The following ANKRD28 variants were observed in gnomAD, a reference collection of about 807,000 sequenced individuals.
ANKRD28 encodes ankyrin repeat domain 28, also known as serine/threonine-protein phosphatase 6 regulatory ankyrin repeat subunit A.
In ANKRD28, 44 loss-of-function variants were observed where a neutral mutation model predicts 126.5. The ratio of observed to expected loss-of-function variants is 0.35; its 90% CI spans 0.27 to 0.45. ANKRD28 has a LOEUF of 0.45. ANKRD28 is among the 20% of genes least tolerant of loss of function. The pLI is 1.00. For missense variants in ANKRD28, 1,110 were observed against 1,316.6 expected (o/e 0.84, Z 2.43); for synonymous variants, 442 against 468.5 (o/e 0.94, Z 0.73).
In ANKRD28 at chr3:15,830,127, C is replaced by A. The variant is rs536548349; in HGVS notation, c.27+29250G>T. Among the ~76,000 whole-genome samples, 1 of 152,180 alleles carries A rather than the reference C, an allele frequency of 6.6e-6. No individual in the cohort carries two copies. The highest frequency in any genetic ancestry group is 1.5e-5 in the Non-Finnish European group (1 of 68,026). ...TAACTGTAAGCAAGGCAGTGAAAAACACAGTCTGGTGCCACTAACTTGATT... is the reference window on the plus strand; with the variant it reads ...TAACTGTAAGCAAGGCAGTGAAAAAAACAGTCTGGTGCCACTAACTTGATT... On this transcript the variant is annotated intron_variant, in intron 1 of 27. Coordinates refer to the ANKRD28 transcript ENST00000399451. The surrounding 1 kb of genome is among the most constrained non-coding windows in gnomAD (Gnocchi z 4.5).
intron 4 of ANKRD28, among the ~76,000 whole-genome samples, chr3:15,738,347 G>T (rs1241043133): frequency 3.9e-5 from 6 of 152,146 alleles, no homozygotes; most frequent in Non-Finnish European, 8.8e-5. Flanking sequence ...AAAGGGGAGG[G>T]AGTGTACGAA....
At position 15,816,774 on chromosome 3, in the gene ANKRD28, T is replaced by A. The variant is rs2060840323; in HGVS notation, c.28-21468A>T. Reference sequence around the variant, plus strand: ...TAGAAGTTATTGCCAAAGTGTCTTATAATCCAAGACACTGAGAGATAGGAA... The same window carrying A: ...TAGAAGTTATTGCCAAAGTGTCTTAAAATCCAAGACACTGAGAGATAGGAA... On this transcript the variant is annotated intron_variant, in intron 1 of 27. Coordinates refer to the ANKRD28 transcript ENST00000399451. This position sits in a 1 kb window ranked among gnomAD's most constrained non-coding sequence, Gnocchi z 5.0. Among the ~76,000 whole-genome samples, 1 of 152,344 alleles carries A rather than the reference T, an allele frequency of 6.6e-6. No homozygotes were observed. The highest frequency in any genetic ancestry group is 2.1e-4 in the South Asian group (1 of 4,830).
rs777127923 is a variant in ANKRD28 at position 15,690,002 on chromosome 3, C to A, written c.1963+17G>T. On this transcript the variant is annotated intron_variant, in intron 18 of 27. Coordinates refer to ENST00000683139, the MANE Select transcript of ANKRD28 (RefSeq NM_001349278.2). ...GGATAGAAGTTATAAATAAATCAAG[C>A]ATAATATCTGGCATACCTGCTGCAT... is the stretch of plus-strand genomic sequence containing the variant. 1.3e-6 allele frequency: 2 copies of A among 1,579,990 alleles called. No homozygotes were observed. The highest frequency in any genetic ancestry group is 8.6e-7 in the Non-Finnish European group (1 of 1,159,580).
At chr3:15,837,435 C>CA (rs1023389186) in intron 1 of ANKRD28, among the ~76,000 whole-genome samples, 12 of 151,706 alleles carry the variant, frequency 7.9e-5, no homozygotes, top group African/African-American at 2.4e-4. Flanking sequence ...TGAACTGATA[C>CA]AAAAAAATGT....
chr3:15,751,860 T>C (rs2057880913), intron 3 of ANKRD28, 40 bp from the exon 4 acceptor site: 3 of 1,300,236 alleles, frequency 2.3e-6, no homozygotes, highest in Non-Finnish European at 3.2e-6. Flanking sequence ...ATATTGTACA[T>C]AAAATATTTT....
chr3:15,677,297 T>C (rs972761693), intron 25 of ANKRD28, among the ~76,000 whole-genome samples, 183 bp downstream of exon 25: 2 of 152,162 alleles, frequency 1.3e-5, no homozygotes, highest in African/African-American at 4.8e-5. Flanking sequence ...CCAAAACTTA[T>C]TTGGCTTACT....
chr3:15,778,568 A>G (rs1394084309), intron 2 of ANKRD28, among the ~76,000 whole-genome samples: 1 of 152,160 alleles, frequency 6.6e-6, no homozygotes, highest in East Asian at 1.9e-4. Context: ...GGCTCCCTCC[A>G]TCTTCAAAGC....
intron 8 of ANKRD28, 39 bp from the exon 9 acceptor site, chr3:15,714,695 C>A (rs773965026): frequency 7.6e-6 from 11 of 1,440,104 alleles, no homozygotes; most frequent in Non-Finnish European, 8.5e-6. Context: ...TCTACTATAT[C>A]CATAATGTGT....
At chr3:15,679,199 G>T in intron 23 of ANKRD28, 102 bp downstream of exon 23, 2 of 1,103,244 alleles carry the variant, frequency 1.8e-6, no homozygotes, top group Non-Finnish European at 2.7e-6. Flanking sequence ...TAAACTCCTG[G>T]CTTCAAGTCA....
At chr3:15,760,894 T>C (rs2058424065) in intron 3 of ANKRD28, among the ~76,000 whole-genome samples, 1 of 152,144 alleles carries the variant, frequency 6.6e-6, no homozygotes, top group African/African-American at 2.4e-5. Flanking sequence ...GTTTTCCACA[T>C]CACTTAAAGG....
intron 4 of ANKRD28, among the ~76,000 whole-genome samples, chr3:15,751,354 T>C (rs1391273472): frequency 6.6e-6 from 1 of 152,212 alleles, no homozygotes; most frequent in African/African-American, 2.4e-5. Context: ...TTGAAGCTAA[T>C]TTCAGTATTT....
intron 2 of ANKRD28, among the ~76,000 whole-genome samples, chr3:15,776,663 C>T (rs1322997164): frequency 6.6e-6 from 1 of 152,160 alleles, no homozygotes; most frequent in African/African-American, 2.4e-5. Flanking sequence ...AAGGGCACTT[C>T]TGAGGTGCTA....
intron 8 of ANKRD28, among the ~76,000 whole-genome samples, chr3:15,719,852 C>T (rs578168957): frequency 2.0e-5 from 3 of 151,954 alleles, no homozygotes; most frequent in East Asian, 1.9e-4. Flanking sequence ...AGACTGTATC[C>T]GGCCAAAATT....
In ANKRD28 at chr3:15,817,421, T is replaced by G. The variant is rs1487312808; in HGVS notation, c.28-22115A>C. Among the ~76,000 whole-genome samples the G allele has an allele frequency of 6.6e-6, 1 of 152,198 alleles. No homozygotes were observed. Among genetic ancestry groups the G allele is most frequent in the Admixed American group, 6.5e-5 (1 of 15,276 alleles). On this transcript the variant is annotated intron_variant, in intron 1 of 27. Transcript: ENST00000399451. The surrounding 1 kb of genome is among the most constrained non-coding windows in gnomAD (Gnocchi z 4.5). ...CGGTAGGCACCATTTCTTATTGCTC[T>G]AAGTACTCACCTTCTAATAAGGGAA...
At chr3:15,784,415 T>C (rs1196127561) in intron 2 of ANKRD28, among the ~76,000 whole-genome samples, 1 of 151,974 alleles carries the variant, frequency 6.6e-6, no homozygotes, top group Non-Finnish European at 1.5e-5. Context: ...TAGATCCTCA[T>C]ACTACCTGTC....
chr3:15,842,478 A>G (rs1407328051), intron 1 of ANKRD28, among the ~76,000 whole-genome samples: 3 of 152,158 alleles, frequency 2.0e-5, no homozygotes, highest in African/African-American at 7.2e-5. Flanking sequence ...GTTAATGGGT[A>G]GAAAAAAATA....
At chr3:15,787,220 G>C (rs764339772) in intron 2 of ANKRD28, among the ~76,000 whole-genome samples, 12 of 152,144 alleles carry the variant, frequency 7.9e-5, no homozygotes, top group Non-Finnish European at 1.2e-4. Flanking sequence ...ATAAATACCT[G>C]AGTGGAATAC....
chr3:15,725,078 A>G (rs1295109786), intron 6 of ANKRD28, among the ~76,000 whole-genome samples: 1 of 152,214 alleles, frequency 6.6e-6, no homozygotes, highest in East Asian at 1.9e-4. Flanking sequence ...CTCTGTATAC[A>G]CTAGTTCCAT....
intron 5 of ANKRD28, 135 bp downstream of exon 5, chr3:15,736,898 A>G: frequency 1.1e-6 from 1 of 880,998 alleles, no homozygotes; most frequent in Non-Finnish European, 1.7e-6. Context: ...AAGTTATAAA[A>G]GGAGGCAAAA....
Sources: gnomAD v4.1 joint callset for allele counts (sites outside exome capture counted in the v4.1 genomes callset) on GRCh38, gnomAD v4.1.1 for gene constraint, Gnocchi (gnomAD v3.1) non-coding constraint, MANE v1.5 for transcripts, NCBI Gene and HGNC (gene_info 2026-07-23, HGNC 2026-07-21) for gene names.